The following AKR1C8 variants were observed in gnomAD, a reference collection of about 807,000 sequenced individuals.
AKR1C8 encodes the protein aldo-keto reductase family 1 member C-like protein 1.
the AKR1C8 span, among the ~76,000 whole-genome samples, chr10:5,170,851 A>T: frequency 6.6e-6 from 1 of 152,152 alleles, no homozygotes; most frequent in Non-Finnish European, 1.5e-5. Flanking sequence ...AAATAACTAT[A>T]TTGCCATAAC....
chr10:5,174,636 C>T, the AKR1C8 span, among the ~76,000 whole-genome samples: 3 of 151,976 alleles, frequency 2.0e-5, no homozygotes, highest in African/African-American at 7.2e-5. Context: ...AATAAAACAA[C>T]TTACCAGGTT....
At chr10:5,144,331 G>C in the AKR1C8 span, among the ~76,000 whole-genome samples, 104 of 152,166 alleles carry the variant, frequency 6.8e-4, no homozygotes, top group African/African-American at 2.4e-3. Flanking sequence ...TTCTTCTTTT[G>C]GCTTAGGATT....
the AKR1C8 span, among the ~76,000 whole-genome samples, chr10:5,178,889 G>T: frequency 1.3e-5 from 2 of 151,682 alleles, no homozygotes; most frequent in Admixed American, 1.3e-4. Flanking sequence ...CATGAGATGC[G>T]TTTCCTGAAT....
chr10:5,177,501 G>C, the AKR1C8 span, among the ~76,000 whole-genome samples: 1 of 152,196 alleles, frequency 6.6e-6, no homozygotes, highest in African/African-American at 2.4e-5. Context: ...CGTAAAATGA[G>C]TTAGGGAGGC....
the AKR1C8 span, chr10:5,123,942 A>G: frequency 9.8e-7 from 1 of 1,016,526 alleles, no homozygotes; most frequent in Non-Finnish European, 1.4e-6. Flanking sequence ...TTGAACTGAC[A>G]ATATTACTGT....
chr10:5,143,815 G>C, the AKR1C8 span, among the ~76,000 whole-genome samples: 1 of 150,672 alleles, frequency 6.6e-6, no homozygotes, highest in African/African-American at 2.4e-5. Flanking sequence ...CAGTGGAAGT[G>C]GTTCTAGGGG....
At chr10:5,168,371 A>G in the AKR1C8 span, among the ~76,000 whole-genome samples, 46 of 152,102 alleles carry the variant, frequency 3.0e-4, no homozygotes, top group South Asian at 2.3e-3. Context: ...CATTTTCCAG[A>G]GCCTCTCTTG....
the AKR1C8 span, among the ~76,000 whole-genome samples, chr10:5,120,290 T>G: frequency 7.9e-5 from 12 of 152,146 alleles, no homozygotes; most frequent in Non-Finnish European, 1.6e-4. Flanking sequence ...ACTCTGTGGC[T>G]CTCAGCTCTG....
the AKR1C8 span, among the ~76,000 whole-genome samples, chr10:5,144,145 G>C: frequency 6.6e-6 from 1 of 151,970 alleles, no homozygotes; most frequent in Admixed American, 6.6e-5. Flanking sequence ...TTTCCCCATT[G>C]CTTGTTTTTC....
At chr10:5,175,353 A>AT in the AKR1C8 span, among the ~76,000 whole-genome samples, 1 of 151,840 alleles carries the variant, frequency 6.6e-6, no homozygotes, top group East Asian at 1.9e-4. Flanking sequence ...TATGTGCCAC[A>AT]TTTTCTTAGT....
the AKR1C8 span, among the ~76,000 whole-genome samples, chr10:5,153,263 C>A: frequency 6.6e-6 from 1 of 151,830 alleles, no homozygotes; most frequent in African/African-American, 2.4e-5. Flanking sequence ...GAACAATATA[C>A]AAAAATAATA....
At chr10:5,151,255 T>A in the AKR1C8 span, among the ~76,000 whole-genome samples, 1 of 152,178 alleles carries the variant, frequency 6.6e-6, no homozygotes, top group African/African-American at 2.4e-5. Context: ...GTTCAGAATC[T>A]TATAGCCTCC....
the AKR1C8 span, among the ~76,000 whole-genome samples, chr10:5,165,162 G>A: frequency 9.2e-5 from 14 of 152,158 alleles, no homozygotes; most frequent in East Asian, 3.9e-4. Context: ...ATTTCACCAC[G>A]AGTGAATACC....
At chr10:5,133,923 G>C in the AKR1C8 span, among the ~76,000 whole-genome samples, 1 of 152,068 alleles carries the variant, frequency 6.6e-6, no homozygotes, top group Non-Finnish European at 1.5e-5. Context: ...ACCTGTAAAA[G>C]ATTAGTAAAG....
the AKR1C8 span, among the ~76,000 whole-genome samples, chr10:5,179,783 G>A: frequency 6.6e-6 from 1 of 152,230 alleles, no homozygotes; most frequent in East Asian, 1.9e-4. Flanking sequence ...TGAGGCTTCT[G>A]CATTCTTCAT....
the AKR1C8 span, among the ~76,000 whole-genome samples, chr10:5,178,501 T>C: frequency 1.8e-4 from 27 of 152,296 alleles, no homozygotes; most frequent in Non-Finnish European, 2.6e-4. Context: ...TAGGTCCGCT[T>C]GGTGCAGAGC....
the AKR1C8 span, among the ~76,000 whole-genome samples, chr10:5,116,886 G>C: frequency 1.3e-5 from 2 of 152,256 alleles, no homozygotes; most frequent in Non-Finnish European, 2.9e-5. Context: ...TTAAATCCTG[G>C]AAAGCGTAGC....
chr10:5,126,008 A>G, the AKR1C8 span, among the ~76,000 whole-genome samples: 59,681 of 152,074 alleles, frequency 0.39, 12,520 homozygotes, highest in Non-Finnish European at 0.43. Flanking sequence ...ATATCCAGAT[A>G]GCAGGACTTG....
the AKR1C8 span, among the ~76,000 whole-genome samples, chr10:5,167,581 C>T: frequency 2.6e-5 from 4 of 152,166 alleles, 1 homozygote; most frequent in East Asian, 7.7e-4. Context: ...GGGAATTGAA[C>T]AATGAGAACA....
Sources: gnomAD v4.1 joint callset for allele counts (sites outside exome capture counted in the v4.1 genomes callset) on GRCh38, gnomAD v4.1.1 for gene constraint, MANE v1.5 for transcripts, NCBI Gene and HGNC (gene_info 2026-07-23, HGNC 2026-07-21) for gene names.